IGF2BP2: variants seen among roughly 807,000 people sequenced by gnomAD.
The protein encoded by IGF2BP2 is insulin-like growth factor 2 mRNA-binding protein 2.
In IGF2BP2, 17 loss-of-function variants were observed where a neutral mutation model predicts 75.8. The observed-to-expected ratio is 0.22, with a 90% confidence interval of 0.15 to 0.34. The LOEUF (loss-of-function observed/expected upper bound fraction) is 0.34. Among genes scored for constraint, IGF2BP2 ranks in the 10% least tolerant of loss-of-function variants. The pLI is 1.00. For missense variants in IGF2BP2, 516 were observed against 772.4 expected (o/e 0.67, Z 3.93); for synonymous variants, 288 against 295.6 (o/e 0.97, Z 0.26).
Position 185,645,428 on chromosome 3 carries a change from G to A in IGF2BP2, c.*103C>T, listed in dbSNP as rs572745634. 631 of 804,704 alleles carry A rather than the reference G, an allele frequency of 7.8e-4. No homozygotes were observed. Among genetic ancestry groups the A allele is most frequent in the Non-Finnish European group, 1.2e-3 (550 of 471,182 alleles). 49.8% of individuals were successfully genotyped at this position (804,704 alleles called of 1,614,324 possible). ...CCGCAGACTTCTCATTCCTCAGATG[G>A]TCTTTGGTTTGCTCCCGATCTGGCT... On this transcript the variant is annotated 3_prime_UTR_variant, in exon 16 of 16. Coordinates refer to ENST00000382199, the MANE Select transcript of IGF2BP2 (RefSeq NM_006548.6). The surrounding 1 kb of genome is among the most constrained non-coding windows in gnomAD (Gnocchi z 4.9).
intron 1 of IGF2BP2, 33 bp from the exon 2 acceptor site, chr3:185,823,246 T>G (rs1311129841): frequency 3.2e-6 from 5 of 1,562,250 alleles, no homozygotes; most frequent in Non-Finnish European, 3.5e-6. Context: ...CTCAGAACCT[T>G]GCTTAGATCA....
chr3:185,748,022 C>T (rs1331265561), intron 2 of IGF2BP2, among the ~76,000 whole-genome samples: 1 of 151,912 alleles, frequency 6.6e-6, no homozygotes, highest in Non-Finnish European at 1.5e-5. Context: ...TGCCCAGCTA[C>T]TTTTTTGTAT....
At chr3:185,729,007 T>C (rs1727756398) in intron 2 of IGF2BP2, 1 of 152,192 alleles carries the variant, frequency 6.6e-6, no homozygotes, top group Admixed American at 6.5e-5. Flanking sequence ...GGCTCCACAC[T>C]GCACCAAGTC....
chr3:185,687,036 G>A (rs978296549), intron 7 of IGF2BP2, 21 bp downstream of exon 7: 9 of 1,609,108 alleles, frequency 5.6e-6, no homozygotes, highest in Non-Finnish European at 7.6e-6. Flanking sequence ...TGAGTGATCT[G>A]GGCATTGCAT....
At chr3:185,663,971 C>T (rs185420488) in intron 10 of IGF2BP2, among the ~76,000 whole-genome samples, 3 of 152,254 alleles carry the variant, frequency 2.0e-5, no homozygotes, top group Admixed American at 2.0e-4. Flanking sequence ...TAGAGTGATA[C>T]CAGACTGCAA....
chr3:185,741,893 G>A (rs911113282), intron 2 of IGF2BP2, among the ~76,000 whole-genome samples: 2 of 149,438 alleles, frequency 1.3e-5, no homozygotes, highest in Middle Eastern at 3.2e-3. Context: ...GTAGAAAGAA[G>A]GCAATGGCAC....
At chr3:185,692,197 G>A (rs1208243746) in intron 5 of IGF2BP2, among the ~76,000 whole-genome samples, 1 of 152,236 alleles carries the variant, frequency 6.6e-6, no homozygotes, top group Non-Finnish European at 1.5e-5. Flanking sequence ...TCTCTCGGCT[G>A]CTGCTCTCAC....
chr3:185,818,493 T>A (rs1740894952), intron 2 of IGF2BP2, among the ~76,000 whole-genome samples: 1 of 152,238 alleles, frequency 6.6e-6, no homozygotes. Context: ...TTGTCAAGAC[T>A]GAATTCCAGA....
chr3:185,789,858 C>T (rs1396631413), intron 2 of IGF2BP2, among the ~76,000 whole-genome samples: 1 of 151,772 alleles, frequency 6.6e-6, no homozygotes, highest in Non-Finnish European at 1.5e-5. Flanking sequence ...CTCAGCCTCC[C>T]AAGTAGCTGG....
In IGF2BP2 at chr3:185,672,596, G is replaced by A; in HGVS notation, c.1145C>T (p.Ser382Phe). 3.1e-6 allele frequency: 5 copies of A among 1,613,484 alleles called. No homozygotes were observed. Among genetic ancestry groups the A allele is most frequent in the Non-Finnish European group, 4.2e-6 (5 of 1,179,440 alleles). ...AGCTCCGCGGGGCCCTGCTGGTGGA[G>A]ATAGCACGGACAGTCCTGTTGAAAA... ...GIFSTGLSVL[S>F]PPAGPRGAPP... is the part of the protein sequence containing the mutation. The change falls in exon 10 of 16, where the codon TCT becomes TTT. Residue 382 changes from serine (S) to phenylalanine (F), a missense_variant. Ser to Phe is a radical substitution (Grantham distance 155, BLOSUM62 -2). Transcript: ENST00000382199.
intron 7 of IGF2BP2, among the ~76,000 whole-genome samples, chr3:185,676,279 C>T (rs1020948040): frequency 6.6e-6 from 1 of 152,138 alleles, no homozygotes; most frequent in African/African-American, 2.4e-5. Context: ...AGGTCTCTTT[C>T]CCCCTCACAC....
rs1713706200 is a variant in IGF2BP2 at position 185,647,105 on chromosome 3, C to A, written c.1627G>T (p.Val543Phe). The A allele has an allele frequency of 6.2e-7, 1 of 1,614,030 alleles. No individual in the cohort carries two copies. Among genetic ancestry groups the A allele is most frequent in the Admixed American group, 1.7e-5 (1 of 59,996 alleles). Residue 543 changes from valine (V) to phenylalanine (F), a missense_variant, in exon 15 of 16, where the codon GTC becomes TTC. Val to Phe is a conservative substitution (Grantham distance 50, BLOSUM62 -1). Coordinates refer to ENST00000382199, the MANE Select transcript of IGF2BP2 (RefSeq NM_006548.6). This position sits in a 1 kb window ranked among gnomAD's most constrained non-coding sequence, Gnocchi z 4.9. ...NELQNLTSAE[V>F]IVPRDQTPDE... ...GGCGTTTGGTCACGAGGCACGATGA[C>A]TTCTGCACTGGTTAAGTTCTGCAGT...
At chr3:185,748,720 T>C (rs773982417) in intron 2 of IGF2BP2, among the ~76,000 whole-genome samples, 4 of 152,206 alleles carry the variant, frequency 2.6e-5, no homozygotes, top group Non-Finnish European at 4.4e-5. Flanking sequence ...AAAGTCACCC[T>C]GGTAAGTCTC....
At chr3:185,680,957 T>C (rs1720296958) in intron 7 of IGF2BP2, among the ~76,000 whole-genome samples, 1 of 152,218 alleles carries the variant, frequency 6.6e-6, no homozygotes, top group African/African-American at 2.4e-5. Flanking sequence ...AGACCATTTA[T>C]GAAAAGCCCA....
chr3:185,801,782 G>A (rs1038533999), intron 2 of IGF2BP2, among the ~76,000 whole-genome samples: 5 of 152,078 alleles, frequency 3.3e-5, no homozygotes, highest in Non-Finnish European at 5.9e-5. Context: ...GCCCATCAAT[G>A]ATAGACTGGA....
At chr3:185,701,556 T>C (rs962980719) in intron 2 of IGF2BP2, among the ~76,000 whole-genome samples, 4 of 152,140 alleles carry the variant, frequency 2.6e-5, no homozygotes, top group African/African-American at 9.7e-5. Context: ...GGTGCAAAAG[T>C]AGGAAAACTC....
chr3:185,781,102 A>G (rs949387253), intron 2 of IGF2BP2, among the ~76,000 whole-genome samples: 1 of 152,202 alleles, frequency 6.6e-6, no homozygotes, highest in African/African-American at 2.4e-5. Context: ...TAACTTTTCC[A>G]ATACCTTGCC....
intron 2 of IGF2BP2, among the ~76,000 whole-genome samples, chr3:185,710,767 G>A (rs1041228454): frequency 6.6e-6 from 1 of 151,702 alleles, no homozygotes; most frequent in South Asian, 2.1e-4. Flanking sequence ...AAAAAACCTC[G>A]AGTGATTCTG....
At chr3:185,739,995 A>G (rs781154544) in intron 2 of IGF2BP2, among the ~76,000 whole-genome samples, 1 of 151,560 alleles carries the variant, frequency 6.6e-6, no homozygotes, top group Non-Finnish European at 1.5e-5. Flanking sequence ...AGCTGGTACT[A>G]CAGGCGTACA....
Sources: gnomAD v4.1 joint callset for allele counts (sites outside exome capture counted in the v4.1 genomes callset) on GRCh38, gnomAD v4.1.1 for gene constraint, Gnocchi (gnomAD v3.1) non-coding constraint, MANE v1.5 for transcripts, NCBI Gene and HGNC (gene_info 2026-07-23, HGNC 2026-07-21) for gene names.